PTPRD: variants seen among roughly 807,000 people sequenced by gnomAD.
The protein encoded by PTPRD is protein tyrosine phosphatase receptor type D.
In PTPRD, 34 loss-of-function variants were observed where a neutral mutation model predicts 214.5. That is an observed-to-expected ratio of 0.16 (90% confidence interval 0.12 to 0.21). The LOEUF is 0.21. Ranked by LOEUF, PTPRD falls within the 10% of genes least tolerant of loss-of-function variation. The pLI is 1.00. For missense variants in PTPRD, 2,545 were observed against 2,398.7 expected (o/e 1.06, Z -1.27); for synonymous variants, 1,128 against 845.7 (o/e 1.33, Z -5.79).
chr9:9,302,601 CT>C (rs3047853), intron 9 of PTPRD, among the ~76,000 whole-genome samples: 35 of 111,882 alleles, frequency 3.1e-4, no homozygotes, highest in Middle Eastern at 6.1e-3. Context: ...TTTTTTTTTT[CT>C]TTTTTTTTTT....
At chr9:9,367,145 T>C (rs887544159) in intron 9 of PTPRD, among the ~76,000 whole-genome samples, 6 of 151,548 alleles carry the variant, frequency 4.0e-5, no homozygotes, top group African/African-American at 1.5e-4. Flanking sequence ...TGGGGTTATT[T>C]ATATTTATAC....
At chr9:8,456,869 G>A (rs1228032117) in intron 33 of PTPRD, among the ~76,000 whole-genome samples, 1 of 152,164 alleles carries the variant, frequency 6.6e-6, no homozygotes, top group Non-Finnish European at 1.5e-5. Flanking sequence ...TGATTCCATA[G>A]TATGTAATAA....
At chr9:9,954,883 G>A (rs1337078474) in intron 4 of PTPRD, among the ~76,000 whole-genome samples, 2 of 152,086 alleles carry the variant, frequency 1.3e-5, no homozygotes, top group African/African-American at 4.8e-5. Context: ...AGATCAATTT[G>A]CATCTTATTC....
chr9:10,232,515 A>G (rs909134320), intron 3 of PTPRD, among the ~76,000 whole-genome samples: 13 of 152,112 alleles, frequency 8.5e-5, no homozygotes, highest in African/African-American at 2.2e-4. Flanking sequence ...ATCGATTTGT[A>G]TCATATTCAG....
At chr9:9,247,695 G>T (rs908270438) in intron 9 of PTPRD, among the ~76,000 whole-genome samples, 1 of 151,992 alleles carries the variant, frequency 6.6e-6, no homozygotes, top group African/African-American at 2.4e-5. Flanking sequence ...TCTCCAGCAG[G>T]GAGTCACCTC....
intron 3 of PTPRD, among the ~76,000 whole-genome samples, chr9:10,300,947 T>C (rs574307868): frequency 2.0e-5 from 3 of 152,202 alleles, no homozygotes; most frequent in South Asian, 4.2e-4. Context: ...AAGTGGATCA[T>C]TGACCCCCAT....
In PTPRD at chr9:8,550,101, C is replaced by T. The variant is rs953699933; in HGVS notation, c.353-21322G>A. Among the ~76,000 whole-genome samples, 3 of 152,124 alleles carry T rather than the reference C, an allele frequency of 2.0e-5. No homozygotes were observed. The East Asian group carries it at 5.8e-4, about 29-fold the overall frequency. On this transcript the variant is annotated intron_variant, in intron 14 of 45. Transcript: ENST00000381196. The stretch of plus-strand genomic sequence containing the variant: ...AAATAGAAGACTTGTTTAGTTTTTA[C>T]TGTATTCCCCAAGAATTTGAAAAAT...
At chr9:10,049,407 A>AGAAAGAAAGAAAGAAAG (rs1266009020) in intron 3 of PTPRD, among the ~76,000 whole-genome samples, 1 of 115,736 alleles carries the variant, frequency 8.6e-6, no homozygotes, top group East Asian at 2.5e-4. Context: ...TTAAAAAAAA[A>AGAAAGAAAGAAAGAAAG]AAAGAAAGAA....
chr9:9,139,122 G>A (rs1319292104), intron 10 of PTPRD, among the ~76,000 whole-genome samples: 3 of 128,816 alleles, frequency 2.3e-5, no homozygotes, highest in East Asian at 2.4e-4. Flanking sequence ...CACCTTATCC[G>A]TGGGGGATAC....
chr9:9,671,948 G>T (rs1030203890), intron 7 of PTPRD, among the ~76,000 whole-genome samples: 24 of 152,116 alleles, frequency 1.6e-4, no homozygotes, highest in African/African-American at 5.6e-4. Flanking sequence ...CTATCATTAG[G>T]GGGTTGTTAT....
intron 4 of PTPRD, among the ~76,000 whole-genome samples, chr9:10,026,973 C>A (rs2096935189): frequency 6.6e-6 from 1 of 151,972 alleles, no homozygotes; most frequent in South Asian, 2.1e-4. Flanking sequence ...TTTAACATCC[C>A]ATTAAAGGCA....
intron 9 of PTPRD, among the ~76,000 whole-genome samples, chr9:9,205,397 A>G (rs1199434506): frequency 1.3e-5 from 2 of 152,206 alleles, no homozygotes; most frequent in African/African-American, 4.8e-5. Flanking sequence ...AGGGAGCATG[A>G]TCATGTATAT....
At chr9:10,364,369 C>T (rs545707029) in intron 2 of PTPRD, among the ~76,000 whole-genome samples, 1 of 152,002 alleles carries the variant, frequency 6.6e-6, no homozygotes, top group East Asian at 1.9e-4. Flanking sequence ...CAAGCTATAG[C>T]ATCTATTTGA....
intron 5 of PTPRD, among the ~76,000 whole-genome samples, chr9:9,801,067 G>C (rs1017576698): frequency 1.3e-5 from 2 of 151,902 alleles, no homozygotes; most frequent in Non-Finnish European, 2.9e-5. Context: ...TTGCATTTGA[G>C]AAGGAAAAAA....
At chr9:9,431,652 C>G (rs1361227160) in intron 8 of PTPRD, among the ~76,000 whole-genome samples, 1 of 151,956 alleles carries the variant, frequency 6.6e-6, no homozygotes, top group Non-Finnish European at 1.5e-5. Context: ...TTGGAAGCAA[C>G]CCAAATGTCC....
intron 8 of PTPRD, among the ~76,000 whole-genome samples, chr9:9,509,426 A>T (rs1345442487): frequency 6.6e-6 from 1 of 151,426 alleles, no homozygotes; most frequent in Admixed American, 6.6e-5. Context: ...AGTGTCAAGG[A>T]ACTGAAACTT....
At chr9:8,683,148 A>G (rs914945843) in intron 12 of PTPRD, among the ~76,000 whole-genome samples, 60 of 152,176 alleles carry the variant, frequency 3.9e-4, no homozygotes, top group African/African-American at 1.3e-3. Context: ...CTGGCTTAAG[A>G]AGGCATACCA....
chr9:9,480,163 C>A (rs189745389), intron 8 of PTPRD, among the ~76,000 whole-genome samples: 5 of 152,236 alleles, frequency 3.3e-5, no homozygotes, highest in Admixed American at 3.3e-4. Flanking sequence ...GGTATTAAAT[C>A]CATCAGTCCA....
intron 9 of PTPRD, among the ~76,000 whole-genome samples, chr9:9,218,271 G>A (rs996312567): frequency 2.6e-5 from 4 of 152,052 alleles, no homozygotes; most frequent in Non-Finnish European, 5.9e-5. Context: ...TCAAGCCTAT[G>A]CAACTCATAG....
Sources: gnomAD v4.1 joint callset for allele counts (sites outside exome capture counted in the v4.1 genomes callset) on GRCh38, gnomAD v4.1.1 for gene constraint, MANE v1.5 for transcripts, NCBI Gene and HGNC (gene_info 2026-07-23, HGNC 2026-07-21) for gene names.